The following LRRC59 variants were observed in gnomAD, a reference collection of about 807,000 sequenced individuals.
LRRC59 encodes the protein leucine-rich repeat-containing protein 59.
In LRRC59, 18 loss-of-function variants were observed where a neutral mutation model predicts 33.5. That is an observed-to-expected ratio of 0.54 (90% CI 0.37 to 0.80). The LOEUF (loss-of-function observed/expected upper bound fraction) is 0.80, where lower values mean the gene tolerates loss of function less well. Ranked by LOEUF, LRRC59 falls within the 30% of genes least tolerant of loss-of-function variation. The pLI is 0.00. For missense variants in LRRC59, 330 were observed against 391.9 expected (o/e 0.84, Z 1.33); for synonymous variants, 138 against 160.0 (o/e 0.86, Z 1.04).
intron 4 of LRRC59, among the ~76,000 whole-genome samples, chr17:50,391,083 T>TC (rs1323566990): frequency 1.3e-5 from 2 of 152,190 alleles, no homozygotes; most frequent in African/African-American, 4.8e-5. Context: ...TAATGCCGAC[T>TC]CCTCAGGGCT....
At chr17:50,394,236 C>T (rs3760410) in intron 2 of LRRC59, among the ~76,000 whole-genome samples, 61,939 of 151,886 alleles carry the variant, frequency 0.41, 13,044 homozygotes, top group Middle Eastern at 0.44. Flanking sequence ...AGGAGTGGCA[C>T]GGCTAGAGTG....
Position 50,397,200 on chromosome 17 carries a change from G to A in LRRC59, c.105+13C>T. Reference sequence around the variant, plus strand: ...CGAAGGTGGGCGCCTGGGCCTCGCGGGACGATACTGACCAGCTCCTTCACC... The same window carrying A: ...CGAAGGTGGGCGCCTGGGCCTCGCGAGACGATACTGACCAGCTCCTTCACC... On this transcript the variant is annotated intron_variant, in intron 1 of 6. Transcript: ENST00000225972. 1 of 1,560,062 alleles carries A rather than the reference G, an allele frequency of 6.4e-7. No individual in the cohort carries two copies. The highest frequency in any genetic ancestry group is 8.7e-7 in the Non-Finnish European group (1 of 1,152,672).
At chr17:50,396,422 C>A (rs1299341315) in intron 1 of LRRC59, 1 of 152,260 alleles carries the variant, frequency 6.6e-6, no homozygotes, top group Non-Finnish European at 1.5e-5. Context: ...AATACCCGTC[C>A]ACGGTGGAAG....
intron 5 of LRRC59, among the ~76,000 whole-genome samples, chr17:50,386,551 C>T (rs528287487): frequency 6.6e-6 from 1 of 152,288 alleles, no homozygotes; most frequent in Non-Finnish European, 1.5e-5. Context: ...ACTGCTTCTC[C>T]ATGTAGAAAC....
At chr17:50,385,397 C>T (rs1598368097) in intron 5 of LRRC59, 106 bp from the exon 6 acceptor site, 18 of 1,176,700 alleles carry the variant, frequency 1.5e-5, no homozygotes, top group Non-Finnish European at 2.2e-5. Context: ...ACCCTGGTGC[C>T]ATGGTTCACA....
intron 6 of LRRC59, among the ~76,000 whole-genome samples, chr17:50,384,121 C>T (rs752870195): frequency 7.9e-5 from 12 of 151,720 alleles, no homozygotes; most frequent in South Asian, 2.1e-4. Context: ...TGTGGAGCCA[C>T]GTCACTAACG....
At chr17:50,387,716 G>A (rs1439073809) in intron 5 of LRRC59, among the ~76,000 whole-genome samples, 2 of 152,150 alleles carry the variant, frequency 1.3e-5, no homozygotes, top group Non-Finnish European at 2.9e-5. Flanking sequence ...CCTATTTTAG[G>A]CTTGAATAAC....
intron 1 of LRRC59, chr17:50,396,646 G>C (rs531433286): frequency 1.3e-5 from 2 of 153,068 alleles, no homozygotes; most frequent in South Asian, 2.1e-4. Context: ...GGGAAAGGTT[G>C]GGGGAGAGAG....
intron 4 of LRRC59, among the ~76,000 whole-genome samples, chr17:50,392,194 G>C (rs751726395): frequency 6.6e-6 from 1 of 152,164 alleles, no homozygotes; most frequent in Non-Finnish European, 1.5e-5. Context: ...GAGCAACTCT[G>C]TCTCAAAACA....
chr17:50,385,899 A>G (rs1598368205), intron 5 of LRRC59, among the ~76,000 whole-genome samples: 3 of 152,130 alleles, frequency 2.0e-5, no homozygotes, highest in Admixed American at 2.0e-4. Flanking sequence ...CTATAAAAAA[A>G]CGAAAAAATT....
At position 50,392,856 on chromosome 17, in the gene LRRC59, C is replaced by T; in HGVS notation, c.207G>A (p.Leu69=). 1.2e-6 allele frequency: 2 copies of T among 1,614,028 alleles called. No individual in the cohort carries two copies. Among genetic ancestry groups the T allele is most frequent in the Non-Finnish European group, 1.7e-6 (2 of 1,179,922 alleles). The part of the protein sequence containing the change: ...CGLTHLVKLD[L]SKNKLQQLPA... ...GCAGCTGCTGCAGCTTGTTCTTACTCAGGTCTAGCTTCACCAGGTGTGTGA... is the reference window on the plus strand; with the variant it reads ...GCAGCTGCTGCAGCTTGTTCTTACTTAGGTCTAGCTTCACCAGGTGTGTGA... Residue 69 remains leucine (L), a synonymous_variant, in exon 3 of 7, where the codon CTG becomes CTA. Transcript: ENST00000225972.
intron 6 of LRRC59, among the ~76,000 whole-genome samples, chr17:50,383,768 T>C (rs1913935670): frequency 6.6e-6 from 1 of 152,012 alleles, no homozygotes; most frequent in Admixed American, 6.5e-5. Flanking sequence ...TCTCAATTCT[T>C]TGCAATGAAC....
At chr17:50,393,818 T>C (rs917505974) in intron 2 of LRRC59, among the ~76,000 whole-genome samples, 1 of 152,182 alleles carries the variant, frequency 6.6e-6, no homozygotes, top group Non-Finnish European at 1.5e-5. Flanking sequence ...TGGCAAAGTG[T>C]ACAGAAGGAG....
rs1302508576 is a variant in LRRC59 at position 50,383,252 on chromosome 17, A to G, written c.677-17T>C. On this transcript the variant is annotated splice_polypyrimidine_tract_variant and intron_variant, in intron 6 of 6. Coordinates refer to ENST00000225972, the MANE Select transcript of LRRC59 (RefSeq NM_018509.4). ...ACTTAGATTCTGGAGGAAAAGTAAC[A>G]GTAGACAAAGCAAGTTCAGTCAGAG... 59 of 1,549,438 alleles carry G rather than the reference A, an allele frequency of 3.8e-5. No individual in the cohort carries two copies. The highest frequency in any genetic ancestry group is 5.1e-5 in the Non-Finnish European group (59 of 1,145,776).
At chr17:50,383,364 G>GAAAAA (rs1555600586) in intron 6 of LRRC59, 129 bp from the exon 7 acceptor site, 1 of 1,235,620 alleles carries the variant, frequency 8.1e-7, no homozygotes, top group Admixed American at 2.9e-5. Flanking sequence ...CCCAGGCCCT[G>GAAAAA]AAGAGAAAAA....
In LRRC59 at chr17:50,397,323, C is replaced by A; in HGVS notation, c.-6G>T. 1 of 1,601,972 alleles carries A rather than the reference C, an allele frequency of 6.2e-7. No homozygotes were observed. Among genetic ancestry groups the A allele is most frequent in the African/African-American group, 1.4e-5 (1 of 73,712 alleles). On this transcript the variant is annotated 5_prime_UTR_variant, in exon 1 of 7. Coordinates refer to ENST00000225972, the MANE Select transcript of LRRC59 (RefSeq NM_018509.4). ...TTGCTACCGGCCTTGGTCATGGTAA[C>A]GCCGGCTGAGCGGGCCCCGGCTCCG... is the stretch of plus-strand genomic sequence containing the variant.
chr17:50,388,919 C>T (rs1316106478), intron 4 of LRRC59, among the ~76,000 whole-genome samples: 1 of 152,178 alleles, frequency 6.6e-6, no homozygotes, highest in African/African-American at 2.4e-5. Flanking sequence ...TCCTTAATGG[C>T]AGGAACCGCT....
intron 1 of LRRC59, among the ~76,000 whole-genome samples, chr17:50,395,805 C>T (rs1238771109): frequency 6.6e-6 from 1 of 151,544 alleles, no homozygotes; most frequent in Non-Finnish European, 1.5e-5. Flanking sequence ...CCCAGCTACT[C>T]GGGAGGCTGA....
chr17:50,397,279 G>A lies in LRRC59; in HGVS notation c.39C>T (p.Asp13=), dbSNP rs1426385156. 1 of 1,610,064 alleles carries A rather than the reference G, an allele frequency of 6.2e-7. No homozygotes were observed. Among genetic ancestry groups the A allele is most frequent in the Non-Finnish European group, 8.5e-7 (1 of 1,178,626 alleles). The change falls in exon 1 of 7, where the codon GAC becomes GAT. Residue 13 remains aspartate (D), a synonymous_variant. Coordinates refer to ENST00000225972, the MANE Select transcript of LRRC59 (RefSeq NM_018509.4). ...KAGSKGGNLR[D]KLDGNELDLS... Reference sequence around the variant, plus strand: ...GGTCCAGTTCGTTGCCGTCCAGCTTGTCGCGGAGGTTCCCGCCCTTGCTAC... The same window carrying A: ...GGTCCAGTTCGTTGCCGTCCAGCTTATCGCGGAGGTTCCCGCCCTTGCTAC...
Sources: gnomAD v4.1 joint callset for allele counts (sites outside exome capture counted in the v4.1 genomes callset) on GRCh38, gnomAD v4.1.1 for gene constraint, MANE v1.5 for transcripts, NCBI Gene and HGNC (gene_info 2026-07-23, HGNC 2026-07-21) for gene names.